SOX5: variants seen among roughly 807,000 people sequenced by gnomAD.
The protein encoded by SOX5 is SRY-box transcription factor 5.
SOX5 carries 9 observed loss-of-function variants against 92.0 expected under a neutral mutation model. The observed-to-expected ratio is 0.10, with a 90% CI of 0.06 to 0.17. The LOEUF is 0.17. Ranked by LOEUF, SOX5 falls within the 10% of genes least tolerant of loss-of-function variation. The probability of loss-of-function intolerance (pLI) is 1.00; values close to 1 mark genes in which losing one functional copy is unlikely to be tolerated. For missense variants in SOX5, 642 were observed against 944.5 expected (o/e 0.68, Z 4.20); for synonymous variants, 344 against 336.3 (o/e 1.02, Z -0.25).
chr12:23,860,952 T>TAAAAAAA (rs71059935), intron 2 of SOX5, among the ~76,000 whole-genome samples: 95 of 45,832 alleles, frequency 2.1e-3, no homozygotes, highest in Middle Eastern at 0.014. Flanking sequence ...GTATATTTTG[T>TAAAAAAA]AAAAAAAAAA....
intron 4 of SOX5, among the ~76,000 whole-genome samples, chr12:24,112,696 T>A (rs1046773805): frequency 6.7e-6 from 1 of 149,126 alleles, no homozygotes; most frequent in Non-Finnish European, 1.5e-5. Flanking sequence ...GCCCAGCTAA[T>A]TTTTTTTTTC....
At chr12:23,734,808 G>T in intron 5 of SOX5, 56 bp from the exon 6 acceptor site, 1 of 1,369,484 alleles carries the variant, frequency 7.3e-7, no homozygotes. Flanking sequence ...CCGGAGGGAA[G>T]TTACTAATGT....
intron 1 of SOX5, among the ~76,000 whole-genome samples, chr12:24,487,142 T>C (rs7969277): frequency 0.012 from 1,890 of 152,298 alleles, 33 homozygotes; most frequent in African/African-American, 0.042. Flanking sequence ...TTCTAAAGAA[T>C]ATTTAAACTT....
At chr12:24,126,734 C>T (rs932126776) in intron 4 of SOX5, among the ~76,000 whole-genome samples, 2 of 152,156 alleles carry the variant, frequency 1.3e-5, no homozygotes, top group Admixed American at 6.5e-5. Context: ...GCTTCACAAT[C>T]GAGCTGCAGG....
intron 6 of SOX5, among the ~76,000 whole-genome samples, chr12:23,673,141 C>T (rs1322180255): frequency 6.6e-6 from 1 of 152,020 alleles, no homozygotes; most frequent in Non-Finnish European, 1.5e-5. Flanking sequence ...AGAAACACAG[C>T]TATTTCATTT....
intron 2 of SOX5, among the ~76,000 whole-genome samples, chr12:24,327,197 T>G (rs1198410870): frequency 6.6e-6 from 1 of 152,168 alleles, no homozygotes; most frequent in African/African-American, 2.4e-5. Context: ...GTTACTGATA[T>G]ACTGCAGTTT....
intron 1 of SOX5, among the ~76,000 whole-genome samples, chr12:24,491,030 C>T (rs931764797): frequency 5.3e-5 from 8 of 150,340 alleles, no homozygotes; most frequent in African/African-American, 2.0e-4. Context: ...GACAAACCAA[C>T]CAACTAACAA....
At chr12:24,456,812 T>C (rs1466812508) in intron 1 of SOX5, among the ~76,000 whole-genome samples, 1 of 152,230 alleles carries the variant, frequency 6.6e-6, no homozygotes, top group Non-Finnish European at 1.5e-5. Flanking sequence ...AATATACCTG[T>C]GAACCTGACT....
chr12:24,484,408 T>C (rs1291541402), intron 1 of SOX5, among the ~76,000 whole-genome samples: 2 of 152,244 alleles, frequency 1.3e-5, no homozygotes, highest in Non-Finnish European at 1.5e-5. Context: ...TGAATCACCT[T>C]GCTGCCTTTT....
chr12:24,468,119 T>A (rs1251499969), intron 1 of SOX5, among the ~76,000 whole-genome samples: 1 of 152,180 alleles, frequency 6.6e-6, no homozygotes, highest in African/African-American at 2.4e-5. Flanking sequence ...TTGTCAGGAC[T>A]TGGTGACTGA....
intron 6 of SOX5, among the ~76,000 whole-genome samples, chr12:23,713,304 T>G (rs1331138174): frequency 6.6e-6 from 1 of 152,158 alleles, no homozygotes; most frequent in Non-Finnish European, 1.5e-5. Flanking sequence ...TATCAACAAC[T>G]TGATTTCAGA....
chr12:23,537,667 T>TA (rs1302652891), intron 13 of SOX5, among the ~76,000 whole-genome samples: 1 of 152,178 alleles, frequency 6.6e-6, no homozygotes, highest in Non-Finnish European at 1.5e-5. Context: ...TAGCTGGGAT[T>TA]AAAAAAGACA....
At chr12:24,478,636 T>C (rs1443609236) in intron 1 of SOX5, among the ~76,000 whole-genome samples, 1 of 152,214 alleles carries the variant, frequency 6.6e-6, no homozygotes, top group Non-Finnish European at 1.5e-5. Context: ...AGTAGCATCC[T>C]TTTAGTTACC....
At chr12:23,784,654 C>T (rs771574557) in intron 3 of SOX5, among the ~76,000 whole-genome samples, 1 of 152,108 alleles carries the variant, frequency 6.6e-6, no homozygotes. Context: ...ATCAAATTTA[C>T]ATAAAAACCA....
In SOX5 at chr12:23,896,032, GAAC is replaced by G; in HGVS notation, c.39-11_39-9del. On this transcript the variant is annotated splice_polypyrimidine_tract_variant and intron_variant, in intron 1 of 14. Coordinates refer to ENST00000451604, the MANE Select transcript of SOX5 (RefSeq NM_006940.6). ...GGTCGCTTGGAAGACATCCTGGAAG[GAAC>G]AAAAGAGGAGAAAATAATGAAACCT... The G allele has an allele frequency of 6.4e-7, 1 of 1,572,492 alleles. No individual in the cohort carries two copies. Among genetic ancestry groups the G allele is most frequent in the Admixed American group, 1.7e-5 (1 of 59,860 alleles).
chr12:23,638,182 G>A (rs2079535358), intron 8 of SOX5: 1 of 152,164 alleles, frequency 6.6e-6, no homozygotes, highest in South Asian at 2.1e-4. Context: ...CTGTTTCCAC[G>A]GTATCTCACG....
At chr12:23,632,057 T>C (rs951908492) in intron 8 of SOX5, 1 of 152,158 alleles carries the variant, frequency 6.6e-6, no homozygotes, top group African/African-American at 2.4e-5. Flanking sequence ...TATTTGCATA[T>C]GTTCTTTAGT....
intron 4 of SOX5, among the ~76,000 whole-genome samples, chr12:24,104,482 AT>A (rs571712507): frequency 2.3e-3 from 350 of 152,316 alleles, no homozygotes; most frequent in African/African-American, 7.8e-3. Flanking sequence ...ACCTCTAAAA[AT>A]TTACTATAAA....
chr12:24,192,379 A>G (rs1457467043), intron 4 of SOX5, among the ~76,000 whole-genome samples: 1 of 152,066 alleles, frequency 6.6e-6, no homozygotes, highest in African/African-American at 2.4e-5. Context: ...ATCTCTTTTA[A>G]CCCTGTAGGA....
Sources: allele counts gnomAD v4.1 joint callset (sites outside exome capture counted in the v4.1 genomes callset), GRCh38; gene constraint gnomAD v4.1.1; transcripts MANE v1.5; gene names NCBI Gene and HGNC (gene_info 2026-07-23, HGNC 2026-07-21).